The following MAEA variants were observed in gnomAD, a reference collection of about 807,000 sequenced individuals.
MAEA encodes macrophage erythroblast attacher, E3 ubiquitin ligase.
A neutral mutation model predicts 46.2 loss-of-function variants in MAEA; 22 were observed. That is an observed-to-expected ratio of 0.48 (90% confidence interval 0.34 to 0.68). The LOEUF (loss-of-function observed/expected upper bound fraction) is 0.68. Ranked by LOEUF, MAEA falls within the 30% of genes least tolerant of loss-of-function variation. MAEA has a pLI of 0.01. For synonymous variants in MAEA, 246 were observed against 222.6 expected, an observed-to-expected ratio of 1.11 and a Z score of -0.94; for missense variants, 393 against 558.1, an observed-to-expected ratio of 0.70 and a Z score of 2.98.
chr4:1,309,726 C>A, intron 1 of MAEA: 1 of 1,517,846 alleles, frequency 6.6e-7, no homozygotes, highest in Non-Finnish European at 8.8e-7. Context: ...AGCCCCTCCC[C>A]GGCCTCCTTC....
At chr4:1,335,463 C>T (rs1378592464) in intron 6 of MAEA, 1 of 982,820 alleles carries the variant, frequency 1.0e-6, no homozygotes, top group Non-Finnish European at 1.2e-6. Context: ...AGAGTTAAGT[C>T]AGCACTGGCC....
chr4:1,333,085 C>G (rs1031643053), intron 6 of MAEA, among the ~76,000 whole-genome samples: 1 of 152,150 alleles, frequency 6.6e-6, no homozygotes, highest in African/African-American at 2.4e-5. Flanking sequence ...CCTGGAATCC[C>G]AGCACTTTGG....
intron 5 of MAEA, 123 bp from the exon 6 acceptor site, chr4:1,332,634 T>A (rs1340129002): frequency 1.5e-6 from 1 of 662,280 alleles, no homozygotes; most frequent in African/African-American, 1.8e-5. Flanking sequence ...AGCCTGAGAG[T>A]TCGAGGCTAC....
intron 1 of MAEA, among the ~76,000 whole-genome samples, chr4:1,295,768 GC>G (rs1267330389): frequency 4.1e-4 from 6 of 14,538 alleles, no homozygotes; most frequent in East Asian, 4.2e-3. Flanking sequence ...CCGTGCCTCT[GC>G]CCCCCTCACC....
At chr4:1,328,902 C>T (rs774629441) in intron 5 of MAEA, 26 of 1,010,832 alleles carry the variant, frequency 2.6e-5, no homozygotes, top group African/African-American at 5.2e-5. Flanking sequence ...GCGGGGATCT[C>T]GGGACCCGGG....
chr4:1,322,192 G>C (rs1030992405), intron 3 of MAEA, among the ~76,000 whole-genome samples, 189 bp from the exon 4 acceptor site: 2 of 152,204 alleles, frequency 1.3e-5, no homozygotes, highest in Non-Finnish European at 2.9e-5. Context: ...GTCCTTGGGG[G>C]CTGTTCTGTT....
rs985784822 is a variant in MAEA, at chr4:1,329,517, C to G, written c.656+1814C>G. 6.1e-6 allele frequency: 6 copies of G among 985,166 alleles called. No homozygotes were observed. The African/African-American group carries it at 1.0e-4, about 17-fold the overall frequency. The allele number at this position is 985,166 out of a possible 1,614,324, so 61.0% of individuals were successfully genotyped here. ...GACACGTGCTGCCTCGAAGCCTCAGCAGCCAGCCGGGCAGGCATGGCAAAC... is the reference window on the plus strand; with the variant it reads ...GACACGTGCTGCCTCGAAGCCTCAGGAGCCAGCCGGGCAGGCATGGCAAAC... On this transcript the variant is annotated intron_variant, in intron 5 of 8. Coordinates refer to ENST00000303400, the MANE Select transcript of MAEA (RefSeq NM_001017405.3).
At chr4:1,334,467 G>A (rs10024927) in intron 6 of MAEA, among the ~76,000 whole-genome samples, 1,987 of 152,300 alleles carry the variant, frequency 0.013, 45 homozygotes, top group African/African-American at 0.046. Flanking sequence ...CAGGGGTGGG[G>A]TCTGAGCTTC....
chr4:1,332,849 A>T lies in MAEA; in HGVS notation c.749A>T (p.His250Leu). ...ATGCTGGCCTTCCCGCCCGACACGC[A>T]CATCTCCCCGTACAAGGTAGGGCGT... ...MGMLAFPPDT[H>L]ISPYKDLLDP... is the part of the protein sequence containing the mutation. The change falls in exon 6 of 9, where the codon CAC becomes CTC. Residue 250 changes from histidine (H) to leucine (L), a missense_variant. Physicochemically the swap from His to Leu is moderately conservative, Grantham distance 99 (BLOSUM62 -3). Coordinates refer to ENST00000303400, the MANE Select transcript of MAEA (RefSeq NM_001017405.3). 2 of 1,612,760 alleles carry T rather than the reference A, an allele frequency of 1.2e-6. No homozygotes were observed. The highest frequency in any genetic ancestry group is 1.7e-6 in the Non-Finnish European group (2 of 1,179,570).
chr4:1,330,743 G>A (rs1246564097), intron 5 of MAEA: 1 of 152,178 alleles, frequency 6.6e-6, no homozygotes, highest in Admixed American at 6.6e-5. Context: ...GTTCTCCCCG[G>A]ACCTGCTCTG....
chr4:1,315,444 G>A lies in MAEA; in HGVS notation c.300G>A (p.Lys100=). ...QAEDESAKLC[K]RRIEHLKEHS... is the part of the protein sequence containing the mutation. ...AGGACGAGAGCGCCAAGCTGTGCAA[G>A]CGCCGGATCGAGCACCTCAAAGAGC... Residue 100 remains lysine, a synonymous_variant, in exon 3 of 9, where the codon AAG becomes AAA. Transcript: ENST00000303400. 1.2e-6 allele frequency: 2 copies of A among 1,613,920 alleles called. No individual in the cohort carries two copies. The highest frequency in any genetic ancestry group is 1.1e-5 in the South Asian group (1 of 91,082).
intron 6 of MAEA, among the ~76,000 whole-genome samples, chr4:1,334,036 C>T (rs1390362047): frequency 5.2e-5 from 2 of 38,144 alleles, no homozygotes; most frequent in East Asian, 5.2e-4. Context: ...ACCCCATGCC[C>T]ACCATGTGCT....
chr4:1,332,847 G>A lies in MAEA; in HGVS notation c.747G>A (p.Thr249=), dbSNP rs761502478. 12 of 1,612,628 alleles carry A rather than the reference G, an allele frequency of 7.4e-6. No individual in the cohort carries two copies. Among genetic ancestry groups the A allele is most frequent in the Admixed American group, 1.7e-5 (1 of 59,948 alleles). ...AMGMLAFPPD[T]HISPYKDLLD... ...GCATGCTGGCCTTCCCGCCCGACAC[G>A]CACATCTCCCCGTACAAGGTAGGGC... Residue 249 remains threonine (T), a synonymous_variant, in exon 6 of 9, where the codon ACG becomes ACA. Coordinates refer to ENST00000303400, the MANE Select transcript of MAEA (RefSeq NM_001017405.3).
At chr4:1,329,588 C>T (rs1363096254) in intron 5 of MAEA, 8 of 985,306 alleles carry the variant, frequency 8.1e-6, no homozygotes, top group Non-Finnish European at 9.6e-6. Flanking sequence ...GCTACATCCT[C>T]TGCTGGGGCC....
At position 1,338,961 on chromosome 4, in the gene MAEA, T is replaced by G. The variant is rs1713176489; in HGVS notation, c.1096-113T>G. 4.4e-6 allele frequency: 4 copies of G among 907,556 alleles called. No individual in the cohort carries two copies. In the Admixed American group the frequency reaches 8.1e-5, roughly 18 times the overall value. 56.2% of individuals were successfully genotyped at this position (907,556 alleles called of 1,614,324 possible). On this transcript the variant is annotated intron_variant, in intron 8 of 8. Transcript: ENST00000303400. Reference sequence around the variant, plus strand: ...GGCAGGTGTGCCTTCGGGAAGGAACTTTGCCTGAGAGGATGAGTCATTCCC... The same window carrying G: ...GGCAGGTGTGCCTTCGGGAAGGAACGTTGCCTGAGAGGATGAGTCATTCCC...
At chr4:1,322,313 G>C in intron 3 of MAEA, 68 bp from the exon 4 acceptor site, 2 of 1,591,720 alleles carry the variant, frequency 1.3e-6, no homozygotes, top group Non-Finnish European at 1.7e-6. Flanking sequence ...GGAGGCTGGG[G>C]TGTGGGAGGG....
At chr4:1,308,975 C>T (rs1320464598) in intron 1 of MAEA, among the ~76,000 whole-genome samples, 2 of 152,138 alleles carry the variant, frequency 1.3e-5, no homozygotes, top group African/African-American at 4.8e-5. Flanking sequence ...TTTCACTGTT[C>T]TTCCTATGAT....
rs552925759 is a variant in MAEA, at chr4:1,327,927, C to T, written c.656+224C>T. Reference sequence around the variant, plus strand: ...TGGCAGGGCCCCCGCCAAGGTGTGGCCCCAGGTGGGCATCCAGACCCCCGT... The same window carrying T: ...TGGCAGGGCCCCCGCCAAGGTGTGGTCCCAGGTGGGCATCCAGACCCCCGT... On this transcript the variant is annotated intron_variant, in intron 5 of 8. Coordinates refer to ENST00000303400, the MANE Select transcript of MAEA (RefSeq NM_001017405.3). Among the ~76,000 whole-genome samples the T allele has an allele frequency of 4.3e-4, 65 of 152,304 alleles. 2 individuals carry two copies. The South Asian group carries it at 8.7e-3, about 20-fold the overall frequency.
chr4:1,319,579 C>T (rs992348347), intron 3 of MAEA, among the ~76,000 whole-genome samples: 1 of 89,182 alleles, frequency 1.1e-5, no homozygotes, highest in East Asian at 4.1e-4. Context: ...AGGATATAGA[C>T]CAGGAGCCAC....
Sources: allele counts gnomAD v4.1 joint callset (sites outside exome capture counted in the v4.1 genomes callset), GRCh38; gene constraint gnomAD v4.1.1; transcripts MANE v1.5; gene names NCBI Gene and HGNC (gene_info 2026-07-23, HGNC 2026-07-21).